The following CPE variants were observed in gnomAD, a reference collection of about 807,000 sequenced individuals.
The protein encoded by CPE is carbocypeptidase E.
Under a neutral mutation model 53.5 loss-of-function variants are expected in CPE, and 17 were observed. That is an observed-to-expected ratio of 0.32 (90% CI 0.22 to 0.48). The LOEUF is 0.48. Ranked by LOEUF, CPE falls within the 20% of genes least tolerant of loss-of-function variation. The pLI is 0.99. For synonymous variants in CPE, 226 were observed against 228.8 expected, an observed-to-expected ratio of 0.99 and a Z score of 0.11; for missense variants, 524 against 614.7, an observed-to-expected ratio of 0.85 and a Z score of 1.56.
At chr4:165,442,023 G>GTTTTTTTTTTTT (rs11415472) in intron 1 of CPE, among the ~76,000 whole-genome samples, 23 of 107,324 alleles carry the variant, frequency 2.1e-4, no homozygotes, top group East Asian at 5.8e-4. Context: ...CGGTGAGTTT[G>GTTTTTTTTTTTT]TTTTTTTTTT....
At chr4:165,489,587 G>A (rs889663463) in intron 6 of CPE, among the ~76,000 whole-genome samples, 2 of 152,086 alleles carry the variant, frequency 1.3e-5, no homozygotes, top group Non-Finnish European at 2.9e-5. Context: ...TCTTGGAGCC[G>A]GGCTATAAGA....
At chr4:165,405,965 A>C in intron 1 of CPE, 1 of 735,180 alleles carries the variant, frequency 1.4e-6, no homozygotes, top group Non-Finnish European at 2.5e-6. Context: ...AAGTTTCTCA[A>C]ATGTTCTCTG....
At chr4:165,454,003 A>G (rs1731857559) in intron 1 of CPE, among the ~76,000 whole-genome samples, 1 of 152,034 alleles carries the variant, frequency 6.6e-6, no homozygotes, top group Non-Finnish European at 1.5e-5. Context: ...TACCCCATAC[A>G]CAGTGGTGTG....
chr4:165,475,663 T>G (rs79303679), intron 3 of CPE, among the ~76,000 whole-genome samples: 4,150 of 152,242 alleles, frequency 0.027, 187 homozygotes, highest in African/African-American at 0.095. Context: ...GCAGTGGTTT[T>G]GGGGAAATAG....
intron 6 of CPE, among the ~76,000 whole-genome samples, chr4:165,492,766 C>A (rs1732630124): frequency 6.6e-6 from 1 of 152,178 alleles, no homozygotes; most frequent in African/African-American, 2.4e-5. Context: ...GGTCAGGAGT[C>A]CATCTTTAAC....
chr4:165,488,859 AAG>A (rs1231984028), intron 6 of CPE, among the ~76,000 whole-genome samples: 1 of 150,212 alleles, frequency 6.7e-6, no homozygotes, highest in Non-Finnish European at 1.5e-5. Flanking sequence ...TAAAAAAAAA[AAG>A]AAGAAGAAGA....
intron 1 of CPE, chr4:165,405,993 G>C: frequency 1.3e-6 from 1 of 748,020 alleles, no homozygotes; most frequent in Non-Finnish European, 2.5e-6. Flanking sequence ...TGTGGTATCT[G>C]TGTTACTTCT....
chr4:165,490,273 G>A (rs1474258304), intron 6 of CPE, among the ~76,000 whole-genome samples: 1 of 152,172 alleles, frequency 6.6e-6, no homozygotes. Context: ...CTAAGGAGAA[G>A]AGCCTCCCTT....
intron 3 of CPE, among the ~76,000 whole-genome samples, chr4:165,477,728 A>AG (rs1005622868): frequency 7.4e-6 from 1 of 134,628 alleles, no homozygotes; most frequent in African/African-American, 3.1e-5. Flanking sequence ...TATAGCTGTG[A>AG]GAAAAAAAAA....
At chr4:165,409,009 G>C (rs1730995096) in intron 1 of CPE, among the ~76,000 whole-genome samples, 1 of 152,162 alleles carries the variant, frequency 6.6e-6, no homozygotes, top group African/African-American at 2.4e-5. Context: ...CCTCCACCTG[G>C]TGAAATCAGA....
At chr4:165,490,046 CA>C (rs1436472947) in intron 6 of CPE, among the ~76,000 whole-genome samples, 1 of 152,144 alleles carries the variant, frequency 6.6e-6, no homozygotes, top group Admixed American at 6.5e-5. Context: ...TGAGGGCTGC[CA>C]GAAGTTCTGT....
chr4:165,489,926 C>A (rs1732571731), intron 6 of CPE, among the ~76,000 whole-genome samples: 1 of 152,182 alleles, frequency 6.6e-6, no homozygotes, highest in African/African-American at 2.4e-5. Flanking sequence ...ATGGCATTGT[C>A]ATTAGGATGC....
In CPE at chr4:165,381,238, C is replaced by A. The variant is rs113406126; in HGVS notation, c.307+1710C>A. 2.7e-3 allele frequency: 1,232 copies of A among 455,450 alleles called. 13 individuals are homozygous for A. The highest frequency in any genetic ancestry group is 0.021 in the African/African-American group (1,064 of 50,150). The allele number at this position is 455,450 out of a possible 1,614,324, so 28.2% of individuals were successfully genotyped here. A position where few individuals can be genotyped will look rare whatever the true frequency, so the allele number is the denominator to read the frequency against. ...AACAATGATTTCTTTGCTTAAGTAT[C>A]TGGAATATATAGTTCATCAAGGTTT... On this transcript the variant is annotated intron_variant, in intron 1 of 8. Transcript: ENST00000402744.
At chr4:165,468,136 G>C (rs1732141391) in intron 3 of CPE, among the ~76,000 whole-genome samples, 1 of 152,008 alleles carries the variant, frequency 6.6e-6, no homozygotes, top group Non-Finnish European at 1.5e-5. Context: ...CCCTTTATTA[G>C]CTCATTTGAT....
chr4:165,493,261 G>T lies in CPE; in HGVS notation c.1204G>T (p.Val402Phe). The change falls in exon 7 of 9, where the codon GTT (valine) becomes TTT (phenylalanine). Residue 402 changes from valine to phenylalanine, a missense_variant. By Grantham distance (50) the Val-to-Phe change is conservative (BLOSUM62 -1). Coordinates refer to ENST00000402744, the MANE Select transcript of CPE (RefSeq NM_001873.4). ...CTCCGTGGAAGGAATAGACCACGAT[G>T]TTACATCCGGTGGGTCTTTGCCACA... is the stretch of plus-strand genomic sequence containing the variant. ...TISVEGIDHD[V>F]TSAKDGDYWR... The T allele has an allele frequency of 6.2e-7, 1 of 1,613,102 alleles. No individual in the cohort carries two copies.
chr4:165,417,883 G>A (rs1439586102), intron 1 of CPE, among the ~76,000 whole-genome samples: 2 of 151,708 alleles, frequency 1.3e-5, no homozygotes, highest in African/African-American at 4.8e-5. Context: ...AGAACCATTA[G>A]TCATTTTCTA....
chr4:165,382,085 G>A (rs1000042088), intron 1 of CPE, among the ~76,000 whole-genome samples: 1 of 151,598 alleles, frequency 6.6e-6, no homozygotes, highest in Admixed American at 6.6e-5. Context: ...GCTTTGGGAG[G>A]ACTGGAGAAA....
chr4:165,493,299 A>G (rs1253363896), intron 7 of CPE, 29 bp downstream of exon 7: 2 of 1,431,922 alleles, frequency 1.4e-6, no homozygotes, highest in South Asian at 1.2e-5. Flanking sequence ...TGGAGGCTCT[A>G]CGTTATGTAC....
rs1732726957 is a variant in CPE at position 165,497,732 on chromosome 4, A to G, written c.*122A>G. The G allele has an allele frequency of 4.7e-6, 2 of 427,606 alleles. No individual in the cohort carries two copies. The highest frequency in any genetic ancestry group is 8.9e-5 in the Admixed American group (2 of 22,542). 26.5% of individuals were successfully genotyped at this position (427,606 alleles called of 1,614,324 possible). ...TGATTTATTTTTTAATCATTTAAAT[A>G]TTAATCAACTTTCCTTAAAATAAAT... On this transcript the variant is annotated 3_prime_UTR_variant, in exon 9 of 9. Transcript: ENST00000402744.
Sources: allele counts gnomAD v4.1 joint callset (sites outside exome capture counted in the v4.1 genomes callset), GRCh38; gene constraint gnomAD v4.1.1; transcripts MANE v1.5; gene names NCBI Gene and HGNC (gene_info 2026-07-23, HGNC 2026-07-21).